L2HGDH: variants seen among roughly 807,000 people sequenced by gnomAD.
The protein encoded by L2HGDH is L-2-hydroxyglutarate dehydrogenase.
Under a neutral mutation model 51.5 loss-of-function variants are expected in L2HGDH, and 34 were observed. The ratio of observed to expected loss-of-function variants is 0.66; its 90% CI spans 0.50 to 0.88. L2HGDH has a LOEUF of 0.88. Among genes scored for constraint, L2HGDH ranks in the 40% least tolerant of loss-of-function variants. L2HGDH has a pLI of 0.00. For missense variants in L2HGDH, 558 were observed against 571.9 expected, an observed-to-expected ratio of 0.98 and a Z score of 0.25; for synonymous variants, 198 against 197.9, an observed-to-expected ratio of 1.00 and a Z score of -0.01.
chr14:50,262,238 C>G (rs908445053), intron 9 of L2HGDH, among the ~76,000 whole-genome samples: 14 of 152,056 alleles, frequency 9.2e-5, no homozygotes, highest in African/African-American at 2.4e-4. Context: ...TTGAGACCAT[C>G]CTGGCTCTCT....
intron 6 of L2HGDH, among the ~76,000 whole-genome samples, chr14:50,271,579 G>A (rs925524688): frequency 4.6e-5 from 7 of 151,988 alleles, no homozygotes; most frequent in African/African-American, 1.2e-4. Flanking sequence ...GGTGGCTCAC[G>A]CCTGTAGTCC....
rs2030633182 is a variant in L2HGDH, at chr14:50,304,800, A to G, written c.141-1783T>C. ...CAGTGAGCCAAGATTGCACCACTGC[A>G]CTCCAGCCTGGGCGACAGAGCGAGA... On this transcript the variant is annotated intron_variant, in intron 1 of 9. Transcript: ENST00000267436. Among the ~76,000 whole-genome samples the G allele has an allele frequency of 1.3e-5, 2 of 152,122 alleles. 1 individual carries two copies. The highest frequency in any genetic ancestry group is 1.3e-4 in the Admixed American group (2 of 15,272).
rs768906872 is a variant in L2HGDH, at chr14:50,247,136, T to C, written c.1314A>G (p.Ala438=). 1.2e-6 allele frequency: 2 copies of C among 1,614,044 alleles called. No homozygotes were observed. Among genetic ancestry groups the C allele is most frequent in the Non-Finnish European group, 1.7e-6 (2 of 1,179,912 alleles). Residue 438 remains alanine (A), a synonymous_variant, in exon 10 of 10, where the codon GCA becomes GCG. Transcript: ENST00000267436. The part of the protein sequence containing the change: ...IGNRILHVRN[A]PSPAATSSIA... ...TGGAAGAAGTAGCAGCAGGAGAAGG[T>C]GCATTTCTCACATGAAGAATGCGAT... is the stretch of plus-strand genomic sequence containing the variant.
At chr14:50,287,667 CAT>C (rs1482442337) in intron 4 of L2HGDH, among the ~76,000 whole-genome samples, 2 of 134,318 alleles carry the variant, frequency 1.5e-5, no homozygotes, top group South Asian at 2.5e-4. Flanking sequence ...TTAGTTGACA[CAT>C]AATTATATTT....
rs1887857795 is a variant in L2HGDH at position 50,242,914 on chromosome 14, G to A, written c.*4144C>T. The A allele has an allele frequency of 1.0e-6, 1 of 985,458 alleles. No individual in the cohort carries two copies. Among genetic ancestry groups the A allele is most frequent in the South Asian group, 4.7e-5 (1 of 21,290 alleles). The allele number at this position is 985,458 out of a possible 1,614,324, so 61.0% of individuals were successfully genotyped here. On this transcript the variant is annotated 3_prime_UTR_variant, in exon 10 of 10. Transcript: ENST00000267436. ...AAACAATATAGACACCATGTCTCCTGTGTTTACAGGGATAGCTCATAGGTA... is the reference window on the plus strand; with the variant it reads ...AAACAATATAGACACCATGTCTCCTATGTTTACAGGGATAGCTCATAGGTA...
chr14:50,312,186 G>A lies in L2HGDH; in HGVS notation c.-36C>T, dbSNP rs1318686105. 12 of 1,605,546 alleles carry A rather than the reference G, an allele frequency of 7.5e-6. No individual in the cohort carries two copies. Among genetic ancestry groups the A allele is most frequent in the African/African-American group, 6.7e-5 (5 of 74,874 alleles). On this transcript the variant is annotated 5_prime_UTR_variant, in exon 1 of 10. Transcript: ENST00000267436. ...CGCTCCCCTCCCTCAGCGCTCAGAA[G>A]AAGCCACTTGACCCTCCACGGCCGA...
At chr14:50,263,344 A>C (rs1410492179) in intron 9 of L2HGDH, among the ~76,000 whole-genome samples, 1 of 152,262 alleles carries the variant, frequency 6.6e-6, no homozygotes, top group Non-Finnish European at 1.5e-5. Flanking sequence ...CTATTTCAGA[A>C]GGTGAGTAGA....
In L2HGDH at chr14:50,244,403, G is replaced by C. The variant is rs1887915312; in HGVS notation, c.*2655C>G. The C allele has an allele frequency of 1.0e-6, 1 of 985,150 alleles. No individual in the cohort carries two copies. Among genetic ancestry groups the C allele is most frequent in the Non-Finnish European group, 1.2e-6 (1 of 829,856 alleles). 61.0% of individuals were successfully genotyped at this position (985,150 alleles called of 1,614,324 possible). Reference sequence around the variant, plus strand: ...ATGGATTGAGGACTGCTTCAATTAGGACAATCATTTTTTGTAATTCAATGT... The same window carrying C: ...ATGGATTGAGGACTGCTTCAATTAGCACAATCATTTTTTGTAATTCAATGT... On this transcript the variant is annotated 3_prime_UTR_variant, in exon 10 of 10. Transcript: ENST00000267436.
intron 5 of L2HGDH, chr14:50,282,642 G>A: frequency 5.2e-6 from 2 of 385,510 alleles, no homozygotes; most frequent in South Asian, 3.8e-5. Flanking sequence ...CTCTCTCTGT[G>A]CCTGTTTTCT....
chr14:50,268,691 A>AT (rs1245381898), intron 7 of L2HGDH, among the ~76,000 whole-genome samples: 1 of 152,230 alleles, frequency 6.6e-6, no homozygotes, highest in Non-Finnish European at 1.5e-5. Flanking sequence ...GACCTAATAT[A>AT]TTTTAAGAGA....
At chr14:50,280,064 GA>G (rs201567688) in intron 5 of L2HGDH, among the ~76,000 whole-genome samples, 66,166 of 118,284 alleles carry the variant, frequency 0.56, 15,393 homozygotes, top group East Asian at 0.7. Flanking sequence ...CGTCTCAAAA[GA>G]AAAAAAAAAA....
rs2029898377 is a variant in L2HGDH at position 50,294,185 on chromosome 14, AGGCCTTTCTCATATAG to A, written c.454_469del (p.Leu152SerfsTer8). ...CCTCAGGCCCGGGACACCATTCTGG[AGGCCTTTCTCATATAG>A]GGCCTGAAGTCTGGGAATTTCTTCT... On this transcript the variant is annotated frameshift_variant, in exon 4 of 10. Transcript: ENST00000267436. LOFTEE classifies it high-confidence loss of function. 1 of 1,613,604 alleles carries A rather than the reference AGGCCTTTCTCATATAG, an allele frequency of 6.2e-7. No individual in the cohort carries two copies. The highest frequency in any genetic ancestry group is 2.2e-5 in the East Asian group (1 of 44,854).
chr14:50,306,829 T>A (rs1419978111), intron 1 of L2HGDH, among the ~76,000 whole-genome samples: 3 of 151,984 alleles, frequency 2.0e-5, no homozygotes, highest in African/African-American at 7.3e-5. Flanking sequence ...TTTTAAAAAA[T>A]TTTGGAGTCA....
At chr14:50,285,989 C>A (rs966310991) in intron 4 of L2HGDH, among the ~76,000 whole-genome samples, 1 of 152,162 alleles carries the variant, frequency 6.6e-6, no homozygotes, top group Non-Finnish European at 1.5e-5. Flanking sequence ...CTGGGACTAG[C>A]TGCAAAGGTA....
Position 50,242,866 on chromosome 14 carries a change from C to T in L2HGDH, c.*4192G>A. The T allele has an allele frequency of 1.0e-6, 1 of 985,382 alleles. No individual in the cohort carries two copies. Among genetic ancestry groups the T allele is most frequent in the Non-Finnish European group, 1.2e-6 (1 of 829,936 alleles). 61.0% of individuals were successfully genotyped at this position (985,382 alleles called of 1,614,324 possible). On this transcript the variant is annotated 3_prime_UTR_variant, in exon 10 of 10. Transcript: ENST00000267436. ...AGAAGTCTAGACACAGATTAAGGGC[C>T]CAGGAGGGCAGAGCCAGTCCTTAAA...
At position 50,242,881 on chromosome 14, in the gene L2HGDH, C is replaced by T. The variant is rs139234286; in HGVS notation, c.*4177G>A. On this transcript the variant is annotated 3_prime_UTR_variant, in exon 10 of 10. Coordinates refer to ENST00000267436, the MANE Select transcript of L2HGDH (RefSeq NM_024884.3). ...GATTAAGGGCCCAGGAGGGCAGAGC[C>T]AGTCCTTAAACAATATAGACACCAT... The T allele has an allele frequency of 8.1e-5, 80 of 985,440 alleles. 1 individual carries two copies. The African/African-American group carries it at 1.2e-3, about 15-fold the overall frequency. 61.0% of individuals were successfully genotyped at this position (985,440 alleles called of 1,614,324 possible). A position where few individuals can be genotyped will look rare whatever the true frequency, so the allele number is the denominator to read the frequency against.
At chr14:50,249,077 G>T (rs562868644) in intron 9 of L2HGDH, among the ~76,000 whole-genome samples, 1 of 152,176 alleles carries the variant, frequency 6.6e-6, no homozygotes, top group Non-Finnish European at 1.5e-5. Flanking sequence ...AAGCTGGGCT[G>T]GGCTCAGCCA....
chr14:50,303,895 G>A (rs1171812264), intron 1 of L2HGDH, among the ~76,000 whole-genome samples: 2 of 149,348 alleles, frequency 1.3e-5, no homozygotes, highest in Non-Finnish European at 3.0e-5. Flanking sequence ...AGGCAGGATA[G>A]CTGGTTGCCC....
At chr14:50,258,456 CA>C (rs1391396061) in intron 9 of L2HGDH, among the ~76,000 whole-genome samples, 1 of 151,918 alleles carries the variant, frequency 6.6e-6, no homozygotes, top group African/African-American at 2.4e-5. Flanking sequence ...CTCTTGGGCC[CA>C]AGCAATTCTC....
Sources: allele counts gnomAD v4.1 joint callset (sites outside exome capture counted in the v4.1 genomes callset), GRCh38; gene constraint gnomAD v4.1.1; transcripts MANE v1.5; gene names NCBI Gene and HGNC (gene_info 2026-07-23, HGNC 2026-07-21).